FRMD4B: variants seen among roughly 807,000 people sequenced by gnomAD.
The protein encoded by FRMD4B is FERM domain-containing protein 4B.
In FRMD4B, 74 loss-of-function variants were observed where a neutral mutation model predicts 141.5. The ratio of observed to expected loss-of-function variants is 0.52; its 90% CI spans 0.43 to 0.63. FRMD4B has a LOEUF of 0.63. FRMD4B is among the 30% of genes least tolerant of loss of function. The pLI, the probability that FRMD4B is intolerant of heterozygous loss-of-function variation, is 0.00. For synonymous variants in FRMD4B, 506 were observed against 467.9 expected (o/e 1.08, Z -1.05); for missense variants, 1,366 against 1,253.4 (o/e 1.09, Z -1.36).
intron 1 of FRMD4B, among the ~76,000 whole-genome samples, chr3:69,487,531 T>C (rs1288307491): frequency 6.6e-6 from 1 of 152,188 alleles, no homozygotes; most frequent in Non-Finnish European, 1.5e-5. Context: ...TTAGGAGGAC[T>C]GGTGGAGGCA....
intron 1 of FRMD4B, among the ~76,000 whole-genome samples, chr3:69,347,296 T>A (rs1005390145): frequency 2.6e-5 from 4 of 152,168 alleles, no homozygotes; most frequent in African/African-American, 4.8e-5. Flanking sequence ...CCTAAATATA[T>A]ATGCACCCAA....
Position 69,311,347 on chromosome 3 carries a change from A to G in FRMD4B, c.239T>C (p.Leu80Pro). The G allele has an allele frequency of 6.3e-7, 1 of 1,592,208 alleles. No homozygotes were observed. Among genetic ancestry groups the G allele is most frequent in the Non-Finnish European group, 8.6e-7 (1 of 1,161,240 alleles). Reference sequence around the variant, plus strand: ...CACTAGGTCCAGCAACTCTCTTGCTAGAAGTTTGGGCTGTCAAAATAAAAA... The same window carrying G: ...CACTAGGTCCAGCAACTCTCTTGCTGGAAGTTTGGGCTGTCAAAATAAAAA... ...RLELLVQPKL[L>P]ARELLDLVAS... Residue 80 changes from leucine (L) to proline (P), a missense_variant, in exon 3 of 23, where the codon CTA becomes CCA. Coordinates refer to ENST00000398540, the MANE Select transcript of FRMD4B (RefSeq NM_015123.3).
intron 2 of FRMD4B, among the ~76,000 whole-genome samples, chr3:69,410,230 C>T (rs184016287): frequency 3.3e-5 from 5 of 152,280 alleles, no homozygotes; most frequent in South Asian, 2.1e-4. Flanking sequence ...TCAGGACACT[C>T]GGGCCAATTT....
At chr3:69,468,068 G>A (rs1705824384) in intron 1 of FRMD4B, among the ~76,000 whole-genome samples, 1 of 152,180 alleles carries the variant, frequency 6.6e-6, no homozygotes, top group African/African-American at 2.4e-5. Flanking sequence ...TGCAATAAAT[G>A]TTAGCTATCA....
chr3:69,407,031 C>T (rs2106768343), intron 2 of FRMD4B, among the ~76,000 whole-genome samples: 1 of 151,468 alleles, frequency 6.6e-6, no homozygotes, highest in Admixed American at 6.6e-5. Context: ...ATGTGAGCCA[C>T]CACACCCAGC....
intron 2 of FRMD4B, among the ~76,000 whole-genome samples, chr3:69,391,106 C>T (rs927788865): frequency 9.2e-5 from 14 of 151,884 alleles, no homozygotes; most frequent in African/African-American, 3.4e-4. Context: ...TGAGAAATAA[C>T]CGGAATGCCG....
At chr3:69,360,110 C>G (rs1703431851) in intron 1 of FRMD4B, among the ~76,000 whole-genome samples, 1 of 152,108 alleles carries the variant, frequency 6.6e-6, no homozygotes, top group African/African-American at 2.4e-5. Context: ...CTTTCTCTCT[C>G]CCTTTGTATT....
intron 1 of FRMD4B, among the ~76,000 whole-genome samples, chr3:69,455,365 C>G (rs1307854339): frequency 6.6e-6 from 1 of 152,180 alleles, no homozygotes; most frequent in Non-Finnish European, 1.5e-5. Context: ...GTCTGCACTG[C>G]CTTTATGAGC....
chr3:69,437,270 C>T (rs1337491696), intron 1 of FRMD4B, among the ~76,000 whole-genome samples: 3 of 151,870 alleles, frequency 2.0e-5, no homozygotes, highest in African/African-American at 7.3e-5. Context: ...TGAGGTCTCA[C>T]TATGTTGCTC....
At chr3:69,413,660 CCA>C (rs1490340905) in intron 2 of FRMD4B, among the ~76,000 whole-genome samples, 2 of 152,236 alleles carry the variant, frequency 1.3e-5, no homozygotes, top group East Asian at 3.9e-4. Context: ...GCAAGGTTTC[CCA>C]TTTTCCTCTT....
chr3:69,285,661 T>C (rs1296112098), intron 5 of FRMD4B, among the ~76,000 whole-genome samples: 1 of 152,028 alleles, frequency 6.6e-6, no homozygotes, highest in African/African-American at 2.4e-5. Context: ...CTGGCCAATA[T>C]GGCGAAACCC....
At chr3:69,329,029 G>T (rs764234011) in intron 1 of FRMD4B, among the ~76,000 whole-genome samples, 44 of 151,968 alleles carry the variant, frequency 2.9e-4, no homozygotes, top group Non-Finnish European at 4.0e-4. Flanking sequence ...TTTCCTGCTC[G>T]AGATCTAAGA....
intron 5 of FRMD4B, among the ~76,000 whole-genome samples, chr3:69,263,116 G>T (rs1487226972): frequency 1.3e-5 from 2 of 152,016 alleles, no homozygotes; most frequent in South Asian, 2.1e-4. Flanking sequence ...AATTAGCCAG[G>T]CATGGTGGCA....
chr3:69,359,429 A>G (rs964600070), intron 1 of FRMD4B, among the ~76,000 whole-genome samples: 5 of 152,196 alleles, frequency 3.3e-5, no homozygotes, highest in Non-Finnish European at 5.9e-5. Flanking sequence ...AAAGTACCAA[A>G]TACAGAAAAT....
At chr3:69,431,333 GC>G (rs1372761715) in intron 2 of FRMD4B, among the ~76,000 whole-genome samples, 2 of 152,198 alleles carry the variant, frequency 1.3e-5, no homozygotes, top group African/African-American at 4.8e-5. Flanking sequence ...AGCCCCTGTA[GC>G]TTTTTTCTAT....
intron 1 of FRMD4B, among the ~76,000 whole-genome samples, chr3:69,359,832 T>C (rs1271045707): frequency 2.6e-5 from 4 of 152,204 alleles, no homozygotes; most frequent in Non-Finnish European, 4.4e-5. Context: ...ATCTCTGTGT[T>C]TGGAAAAATG....
At chr3:69,539,392 G>A (rs992132436) in intron 1 of FRMD4B, among the ~76,000 whole-genome samples, 1 of 152,164 alleles carries the variant, frequency 6.6e-6, no homozygotes, top group African/African-American at 2.4e-5. Flanking sequence ...ACTTGGGAGT[G>A]GCTGTGAAGT....
intron 1 of FRMD4B, among the ~76,000 whole-genome samples, chr3:69,480,106 G>T (rs181078605): frequency 6.6e-6 from 1 of 151,938 alleles, no homozygotes; most frequent in Non-Finnish European, 1.5e-5. Flanking sequence ...TTATACATTC[G>T]TCTAAATTTT....
At chr3:69,322,314 T>A (rs934702215) in intron 1 of FRMD4B, among the ~76,000 whole-genome samples, 1 of 152,180 alleles carries the variant, frequency 6.6e-6, no homozygotes, top group African/African-American at 2.4e-5. Flanking sequence ...GAATATGAGC[T>A]ATTGACACTC....
Sources: gnomAD v4.1 joint callset for allele counts (sites outside exome capture counted in the v4.1 genomes callset) on GRCh38, gnomAD v4.1.1 for gene constraint, MANE v1.5 for transcripts, NCBI Gene and HGNC (gene_info 2026-07-23, HGNC 2026-07-21) for gene names.